Variants in MARCHF1 observed in about 807,000 individuals in gnomAD.
The protein encoded by MARCHF1 is E3 ubiquitin-protein ligase MARCHF1.
Under a neutral mutation model 54.2 loss-of-function variants are expected in MARCHF1, and 40 were observed. That is an observed-to-expected ratio of 0.74 (90% confidence interval 0.57 to 0.96). The LOEUF (loss-of-function observed/expected upper bound fraction) is 0.96. Ranked by LOEUF, MARCHF1 falls within the 40% of genes least tolerant of loss-of-function variation. MARCHF1 has a pLI of 0.00. For missense variants in MARCHF1, 586 were observed against 656.5 expected, an observed-to-expected ratio of 0.89 and a Z score of 1.17; for synonymous variants, 236 against 236.3, an observed-to-expected ratio of 1.00 and a Z score of 0.01.
rs34968782 is a variant in MARCHF1, at chr4:163,750,513, A to AAAATAAATAAAT, written c.112-49662_112-49651dup. On this transcript the variant is annotated intron_variant, in intron 4 of 9. Coordinates refer to ENST00000514618, the MANE Select transcript of MARCHF1 (RefSeq NM_001394959.1). ...GTGACAGAGCAAGACTCTGTCTCAA[A>AAAATAAATAAAT]AAATAAATAAATAAATAAATAAATA... is the stretch of plus-strand genomic sequence containing the variant. Among the ~76,000 whole-genome samples the AAAATAAATAAAT allele has an allele frequency of 7.3e-3, 1,039 of 143,040 alleles. 4 individuals are homozygous for AAAATAAATAAAT. Among genetic ancestry groups the AAAATAAATAAAT allele is most frequent in the East Asian group, 0.016 (77 of 4,758 alleles). The allele number at this position is 143,040 out of a possible 152,430, so 93.8% of individuals were successfully genotyped here.
chr4:164,213,566 A>G (rs1490965030), intron 1 of MARCHF1, among the ~76,000 whole-genome samples: 1 of 152,030 alleles, frequency 6.6e-6, no homozygotes, highest in African/African-American at 2.4e-5. Flanking sequence ...TCTACGTAAC[A>G]CATTGACTAC....
intron 4 of MARCHF1, among the ~76,000 whole-genome samples, chr4:163,758,877 C>A (rs914623832): frequency 6.6e-6 from 1 of 152,040 alleles, no homozygotes; most frequent in African/African-American, 2.4e-5. Flanking sequence ...ATAATATAAA[C>A]ATTTTGCAAA....
chr4:163,739,552 A>G (rs17044070), intron 4 of MARCHF1, among the ~76,000 whole-genome samples: 1,933 of 152,306 alleles, frequency 0.013, 37 homozygotes, highest in African/African-American at 0.044. Flanking sequence ...CTGAAATGTC[A>G]TGAACTCAAA....
At chr4:163,940,222 A>G (rs1751884398) in intron 3 of MARCHF1, among the ~76,000 whole-genome samples, 1 of 152,196 alleles carries the variant, frequency 6.6e-6, no homozygotes. Context: ...TCTGTTGTTT[A>G]GCCACTAACT....
chr4:164,264,464 C>T (rs1186742773), intron 1 of MARCHF1, among the ~76,000 whole-genome samples: 1 of 151,292 alleles, frequency 6.6e-6, no homozygotes, highest in Non-Finnish European at 1.5e-5. Context: ...ACAAATGCCC[C>T]TAAACTTAAA....
intron 2 of MARCHF1, among the ~76,000 whole-genome samples, chr4:164,096,701 T>G (rs1489583173): frequency 1.3e-5 from 2 of 152,082 alleles, no homozygotes; most frequent in Non-Finnish European, 2.9e-5. Context: ...GTAATAGAAA[T>G]TTGTTATTCT....
At chr4:163,817,042 C>A (rs1484496021) in intron 4 of MARCHF1, among the ~76,000 whole-genome samples, 1 of 152,064 alleles carries the variant, frequency 6.6e-6, no homozygotes, top group African/African-American at 2.4e-5. Flanking sequence ...ATTTTATTCA[C>A]CATCTACCAT....
chr4:164,360,294 A>G (rs964046528), intron 1 of MARCHF1, among the ~76,000 whole-genome samples: 38 of 152,148 alleles, frequency 2.5e-4, no homozygotes, highest in African/African-American at 8.0e-4. Context: ...TCCCAGGTAC[A>G]GTGGTCTCTT....
chr4:164,069,274 A>G (rs1007503877), intron 2 of MARCHF1, among the ~76,000 whole-genome samples: 2 of 152,222 alleles, frequency 1.3e-5, no homozygotes, highest in Non-Finnish European at 2.9e-5. Context: ...AAATGGGCCA[A>G]TCAGCAGGAT....
At chr4:164,188,600 C>A (rs1265496935) in intron 1 of MARCHF1, 1 of 860,708 alleles carries the variant, frequency 1.2e-6, no homozygotes, top group Non-Finnish European at 2.0e-6. Context: ...AGGGGAATAT[C>A]TGATCGGCGA....
chr4:163,673,961 G>A (rs1743818795), intron 5 of MARCHF1, among the ~76,000 whole-genome samples: 1 of 152,130 alleles, frequency 6.6e-6, no homozygotes, highest in South Asian at 2.1e-4. Context: ...CGAGTTAACA[G>A]AAATAACAAA....
In MARCHF1 at chr4:164,243,979, G is replaced by A. The variant is rs201476106; in HGVS notation, c.-322-132317C>T. On this transcript the variant is annotated intron_variant, in intron 1 of 9. Coordinates refer to ENST00000514618, the MANE Select transcript of MARCHF1 (RefSeq NM_001394959.1). Reference sequence around the variant, plus strand: ...AAAGCAAGTCTGAGTGACCTACAAAGAGACTTAGACTCCCACACATTAATA... The same window carrying A: ...AAAGCAAGTCTGAGTGACCTACAAAAAGACTTAGACTCCCACACATTAATA... 3.3e-5 allele frequency among the ~76,000 whole-genome samples: 5 copies of A among 152,190 alleles called. No homozygotes were observed. In the East Asian group the frequency reaches 9.7e-4, roughly 29 times the overall value.
At chr4:163,710,170 T>C (rs1184110233) in intron 4 of MARCHF1, among the ~76,000 whole-genome samples, 2 of 152,134 alleles carry the variant, frequency 1.3e-5, no homozygotes, top group African/African-American at 4.8e-5. Flanking sequence ...GGTACTTCTA[T>C]ACACCCCTTA....
chr4:163,573,826 T>C (rs1232433685), intron 8 of MARCHF1, among the ~76,000 whole-genome samples: 25 of 151,946 alleles, frequency 1.6e-4, no homozygotes, highest in African/African-American at 2.9e-4. Flanking sequence ...GGGTATATAC[T>C]CAGTAATGGG....
chr4:164,323,471 T>G (rs1230647044), intron 1 of MARCHF1, among the ~76,000 whole-genome samples: 1 of 151,038 alleles, frequency 6.6e-6, no homozygotes, highest in Non-Finnish European at 1.5e-5. Flanking sequence ...ATTTTAAAAA[T>G]TGGAAGATGA....
chr4:164,380,064 T>A (rs886091708), intron 1 of MARCHF1, among the ~76,000 whole-genome samples: 2 of 151,290 alleles, frequency 1.3e-5, no homozygotes, highest in Non-Finnish European at 2.9e-5. Context: ...ATACAAAAAC[T>A]GAGTGAATTT....
intron 5 of MARCHF1, among the ~76,000 whole-genome samples, chr4:163,697,044 G>C (rs1307166163): frequency 1.3e-5 from 2 of 152,100 alleles, no homozygotes; most frequent in Non-Finnish European, 2.9e-5. Flanking sequence ...AGGGAGTGAT[G>C]GAGTGAAGTC....
At chr4:163,594,493 T>TAC (rs372853144) in intron 7 of MARCHF1, among the ~76,000 whole-genome samples, 107 of 150,558 alleles carry the variant, frequency 7.1e-4, no homozygotes, top group African/African-American at 2.0e-3. Flanking sequence ...CCAGTGCCAA[T>TAC]ACACACACAC....
Position 164,303,415 on chromosome 4 carries a change from A to G in MARCHF1, c.-323+80455T>C, listed in dbSNP as rs549743812. Among the ~76,000 whole-genome samples the G allele has an allele frequency of 2.6e-5, 4 of 152,330 alleles. No homozygotes were observed. The South Asian group carries it at 8.3e-4, about 32-fold the overall frequency. On this transcript the variant is annotated intron_variant, in intron 1 of 9. Coordinates refer to ENST00000514618, the MANE Select transcript of MARCHF1 (RefSeq NM_001394959.1). ...AAAAGCACCAAAAGGAAAGGAAGCT[A>G]AACTATTGGACTAGCTTGGACAAGT... is the stretch of plus-strand genomic sequence containing the variant.
Sources: gnomAD v4.1 joint callset for allele counts (sites outside exome capture counted in the v4.1 genomes callset) on GRCh38, gnomAD v4.1.1 for gene constraint, MANE v1.5 for transcripts, NCBI Gene and HGNC (gene_info 2026-07-23, HGNC 2026-07-21) for gene names.